ZNF385A: variants seen among roughly 807,000 people sequenced by gnomAD.
ZNF385A encodes the protein hematopoietic zinc finger protein.
ZNF385A carries 14 observed loss-of-function variants against 32.1 expected under a neutral mutation model. That is an observed-to-expected ratio of 0.44 (90% CI 0.29 to 0.68). ZNF385A has a LOEUF of 0.68. Among genes scored for constraint, ZNF385A ranks in the 30% least tolerant of loss-of-function variants. The probability of loss-of-function intolerance (pLI) is 0.14; values close to 1 mark genes in which losing one functional copy is unlikely to be tolerated. For synonymous variants in ZNF385A, 197 were observed against 202.7 expected, an observed-to-expected ratio of 0.97 and a Z score of 0.24; for missense variants, 406 against 478.4, an observed-to-expected ratio of 0.85 and a Z score of 1.41.
At chr12:54,386,471 T>C (rs2706251), upstream of ZNF385A, among the ~76,000 whole-genome samples, 13,690 of 152,012 alleles carry the variant, frequency 0.09, 1,661 homozygotes, top group African/African-American at 0.28. Flanking sequence ...GACAGATAGA[T>C]GGATGGGGCA....
chr12:54,371,718 G>GTT lies in ZNF385A; in HGVS notation c.362-5_362-4dup. 6.2e-7 allele frequency: 1 copy of GTT among 1,611,518 alleles called. No individual in the cohort carries two copies. Among genetic ancestry groups the GTT allele is most frequent in the Non-Finnish European group, 8.5e-7 (1 of 1,179,246 alleles). On this transcript the variant is annotated splice_region_variant and splice_polypyrimidine_tract_variant and intron_variant, in intron 3 of 6. Transcript: ENST00000394313. ...CCCCAGTCCATTCTCCATGGAAACT[G>GTT]TTGTTGGGGGAGAAACATGGGGATC...
upstream of ZNF385A, chr12:54,384,797 C>A: frequency 8.1e-7 from 1 of 1,233,654 alleles, no homozygotes; most frequent in Non-Finnish European, 1.0e-6. Flanking sequence ...TCACTTCCCC[C>A]TTTTCCAGCC....
chr12:54,384,146 T>C (rs1041713020), intron 1 of ZNF385A, among the ~76,000 whole-genome samples: 1 of 152,202 alleles, frequency 6.6e-6, no homozygotes, highest in African/African-American at 2.4e-5. Context: ...ATTACTTCTC[T>C]AGATGGTAGG....
chr12:54,386,522 T>C (rs1955491211), upstream of ZNF385A, among the ~76,000 whole-genome samples: 1 of 152,112 alleles, frequency 6.6e-6, no homozygotes, highest in Admixed American at 6.6e-5. Flanking sequence ...CCTTATGGCA[T>C]CTGCCCTCTG....
chr12:54,372,459 T>G (rs1249001297), intron 3 of ZNF385A, among the ~76,000 whole-genome samples: 1 of 152,158 alleles, frequency 6.6e-6, no homozygotes, highest in African/African-American at 2.4e-5. Context: ...TTCCCCTTAT[T>G]TCTCTTACTT....
upstream of ZNF385A, among the ~76,000 whole-genome samples, chr12:54,387,225 T>TTAAC (rs1344758864): frequency 6.6e-6 from 1 of 152,186 alleles, no homozygotes; most frequent in Non-Finnish European, 1.5e-5. Context: ...AGCCACTCAG[T>TTAAC]TATCTATGGC....
At chr12:54,373,026 G>A (rs138754200) in intron 3 of ZNF385A, 2,057 of 169,518 alleles carry the variant, frequency 0.012, 39 homozygotes, top group African/African-American at 0.047. Context: ...GCGACAGAGT[G>A]AGACTCTGTC....
chr12:54,386,173 G>GACACAC (rs57780822), upstream of ZNF385A, among the ~76,000 whole-genome samples: 949 of 138,116 alleles, frequency 6.9e-3, 14 homozygotes, highest in African/African-American at 0.02. Context: ...GTGGAGAGAG[G>GACACAC]ACACACACAC....
In ZNF385A at chr12:54,371,010, C is replaced by T. The variant is rs1419480269; in HGVS notation, c.691G>A (p.Glu231Lys). 9 of 1,614,016 alleles carry T rather than the reference C, an allele frequency of 5.6e-6. No individual in the cohort carries two copies. Among genetic ancestry groups the T allele is most frequent in the Middle Eastern group, 3.3e-4 (2 of 6,084 alleles). Reference sequence around the variant, plus strand: ...CGGTCCTGGGCAGGAGCCTCTGGTTCCCCCGGGGTGGGAGGCCCCAGCCGA... The same window carrying T: ...CGGTCCTGGGCAGGAGCCTCTGGTTTCCCCGGGGTGGGAGGCCCCAGCCGA... ...YPRLGPPTPG[E>K]PEAPAQDRTF... is the part of the protein sequence containing the mutation. The change falls in exon 5 of 7, where the codon GAA (glutamate) becomes AAA (lysine). Residue 231 changes from glutamate (E) to lysine (K), a missense_variant. By Grantham distance (56) the Glu-to-Lys change is moderately conservative. Transcript: ENST00000394313.
chr12:54,375,578 C>T (rs1412776373), intron 2 of ZNF385A, among the ~76,000 whole-genome samples: 2 of 152,168 alleles, frequency 1.3e-5, no homozygotes, highest in Admixed American at 6.5e-5. Context: ...ACCACGGATG[C>T]CCAAGTCTCA....
At chr12:54,391,128 G>A in intron 1 of ZNF385A, 10 of 1,221,460 alleles carry the variant, frequency 8.2e-6, no homozygotes, top group Non-Finnish European at 1.1e-5. Context: ...GGTCGCTGAC[G>A]GGCGGCCGCA....
chr12:54,376,129 T>C (rs1954839263), intron 1 of ZNF385A, among the ~76,000 whole-genome samples, 175 bp from the exon 2 acceptor site: 1 of 152,124 alleles, frequency 6.6e-6, no homozygotes, highest in South Asian at 2.1e-4. Context: ...TTCATAGCAC[T>C]GAAAGGGACC....
In ZNF385A at chr12:54,370,626, C is replaced by T; in HGVS notation, c.870G>A (p.Ala290=). 1 of 1,598,282 alleles carries T rather than the reference C, an allele frequency of 6.3e-7. No homozygotes were observed. Among genetic ancestry groups the T allele is most frequent in the Non-Finnish European group, 8.5e-7 (1 of 1,172,724 alleles). ...TGAATTCCCAGCATCCAGGCCTCAC[C>T]GCCAGCTCCCCGGCGCCCCTAGACT... The part of the protein sequence containing the change: ...HKKSRGAGEL[A]GTLTFSKELP... Residue 290 remains alanine, a splice_region_variant and synonymous_variant, in exon 6 of 7, where the codon GCG becomes GCA. Transcript: ENST00000394313. The surrounding 1 kb of genome is among the most constrained non-coding windows in gnomAD (Gnocchi z 5.5).
Position 54,369,913 on chromosome 12 carries a change from T to G in ZNF385A, c.*343A>C. ...TCCCCCCCGGACCCCGACCATGGCT[T>G]GTGAACCCCGTTTTGTGCTAGGTTT... On this transcript the variant is annotated 3_prime_UTR_variant, in exon 7 of 7. Transcript: ENST00000394313. 3 of 224,120 alleles carry G rather than the reference T, an allele frequency of 1.3e-5. No individual in the cohort carries two copies. The highest frequency in any genetic ancestry group is 1.8e-5 in the Non-Finnish European group (2 of 114,010). The allele number at this position is 224,120 out of a possible 1,614,324, so 13.9% of individuals were successfully genotyped here.
Position 54,380,884 on chromosome 12 carries a change from G to A in ZNF385A, c.87+3544C>T, listed in dbSNP as rs191293697. On this transcript the variant is annotated intron_variant, in intron 1 of 6. Transcript: ENST00000394313. ...CCATTCTCAGCCTGGGCAACATGGC[G>A]AAACTCCATCTCTACTAAAAATACA... Among the ~76,000 whole-genome samples, 322 of 152,148 alleles carry A rather than the reference G, an allele frequency of 2.1e-3. 2 individuals carry two copies. Among genetic ancestry groups the A allele is most frequent in the African/African-American group, 7.3e-3 (302 of 41,514 alleles).
rs992226741 is a variant in ZNF385A at position 54,384,337 on chromosome 12, A to T, written c.87+91T>A. On this transcript the variant is annotated intron_variant, in intron 1 of 6. Coordinates refer to ENST00000394313, the MANE Select transcript of ZNF385A (RefSeq NM_015481.3). ...GATGGGGTCATAAGAGGAGATAAGG[A>T]ATTAGAAACAGAAGAAGAGGGCAGA... 5.7e-6 allele frequency: 8 copies of T among 1,402,830 alleles called. No individual in the cohort carries two copies. The African/African-American group carries it at 1.2e-4, about 21-fold the overall frequency. The allele number at this position is 1,402,830 out of a possible 1,614,324, so 86.9% of individuals were successfully genotyped here. A position where few individuals can be genotyped will look rare whatever the true frequency, so the allele number is the denominator to read the frequency against.
In ZNF385A at chr12:54,384,552, C is replaced by G; in HGVS notation, c.-38G>C. 6.8e-7 allele frequency: 1 copy of G among 1,479,768 alleles called. No homozygotes were observed. Among genetic ancestry groups the G allele is most frequent in the Non-Finnish European group, 9.0e-7 (1 of 1,115,808 alleles). 91.7% of individuals were successfully genotyped at this position (1,479,768 alleles called of 1,614,324 possible). A position where few individuals can be genotyped will look rare whatever the true frequency, so the allele number is the denominator to read the frequency against. ...CCGTAGCAGAGGCAGGGGCCCTGCC[C>G]GGCTCAGGCTGCCTGAAGGGCAGAG... On this transcript the variant is annotated 5_prime_UTR_variant, in exon 1 of 7. Transcript: ENST00000394313.
intron 1 of ZNF385A, among the ~76,000 whole-genome samples, chr12:54,377,539 C>T (rs959696036): frequency 1.3e-5 from 2 of 152,090 alleles, no homozygotes; most frequent in African/African-American, 2.4e-5. Flanking sequence ...AACATTTCTG[C>T]GTCGGGGGCT....
chr12:54,384,647 G>A lies in ZNF385A; in HGVS notation c.-133C>T, dbSNP rs1955374889. ...CCAAGCCTGCCAGTCCCACTCCCTA[G>A]CCAGGGCCCCCACACTCAGAAGTGT... is the stretch of plus-strand genomic sequence containing the variant. On this transcript the variant is annotated 5_prime_UTR_variant, in exon 1 of 7. Coordinates refer to ENST00000394313, the MANE Select transcript of ZNF385A (RefSeq NM_015481.3). 1 of 1,417,392 alleles carries A rather than the reference G, an allele frequency of 7.1e-7. No homozygotes were observed. Among genetic ancestry groups the A allele is most frequent in the Admixed American group, 3.1e-5 (1 of 31,914 alleles). 87.8% of individuals were successfully genotyped at this position (1,417,392 alleles called of 1,614,324 possible).
Sources: gnomAD v4.1 joint callset for allele counts (sites outside exome capture counted in the v4.1 genomes callset) on GRCh38, gnomAD v4.1.1 for gene constraint, Gnocchi (gnomAD v3.1) non-coding constraint, MANE v1.5 for transcripts, NCBI Gene and HGNC (gene_info 2026-07-23, HGNC 2026-07-21) for gene names.